Variants in TMEM117 observed in about 807,000 individuals in gnomAD.
TMEM117 encodes the protein transmembrane protein 117.
Under a neutral mutation model 52.4 loss-of-function variants are expected in TMEM117, and 27 were observed. That is an observed-to-expected ratio of 0.51 (90% CI 0.38 to 0.71). TMEM117 has a LOEUF of 0.71. Ranked by LOEUF, TMEM117 falls within the 30% of genes least tolerant of loss-of-function variation. TMEM117 has a pLI of 0.00. For synonymous variants in TMEM117, 215 were observed against 206.3 expected (o/e 1.04, Z -0.36); for missense variants, 556 against 630.5 (o/e 0.88, Z 1.26).
At chr12:44,233,533 A>C (rs1949958051) in intron 5 of TMEM117, among the ~76,000 whole-genome samples, 1 of 151,338 alleles carries the variant, frequency 6.6e-6, no homozygotes, top group Non-Finnish European at 1.5e-5. Flanking sequence ...ATTTCCAATA[A>C]TATGTTAAAT....
At chr12:44,247,703 A>T (rs939171834) in intron 5 of TMEM117, among the ~76,000 whole-genome samples, 1 of 152,226 alleles carries the variant, frequency 6.6e-6, no homozygotes, top group African/African-American at 2.4e-5. Flanking sequence ...TGACCTCTTA[A>T]TCGGCCCTTT....
At chr12:44,202,044 GATAA>G (rs1390642748) in intron 4 of TMEM117, among the ~76,000 whole-genome samples, 10 of 151,508 alleles carry the variant, frequency 6.6e-5, no homozygotes, top group Admixed American at 1.3e-4. Context: ...TATCAAAGAT[GATAA>G]ATAAAATAGG....
At chr12:43,857,968 C>G (rs1303525928) in intron 2 of TMEM117, among the ~76,000 whole-genome samples, 1 of 152,062 alleles carries the variant, frequency 6.6e-6, no homozygotes, top group Non-Finnish European at 1.5e-5. Context: ...TGGATAGAAG[C>G]ACGGGTCAAA....
intron 2 of TMEM117, among the ~76,000 whole-genome samples, chr12:43,887,618 G>A (rs1048798719): frequency 1.3e-5 from 2 of 152,168 alleles, no homozygotes; most frequent in African/African-American, 4.8e-5. Context: ...GCAGAAGACC[G>A]CCAGCACCCT....
At chr12:44,199,233 TTC>T (rs1160391285) in intron 4 of TMEM117, among the ~76,000 whole-genome samples, 13 of 152,234 alleles carry the variant, frequency 8.5e-5, no homozygotes, top group African/African-American at 3.1e-4. Context: ...CTGAACCATA[TTC>T]CATGGGCGGT....
intron 5 of TMEM117, among the ~76,000 whole-genome samples, chr12:44,225,531 T>C (rs2138436918): frequency 6.6e-6 from 1 of 152,330 alleles, no homozygotes; most frequent in East Asian, 1.9e-4. Flanking sequence ...TGATTACATA[T>C]AGAATCATAT....
intron 4 of TMEM117, among the ~76,000 whole-genome samples, chr12:44,158,764 TAA>T (rs200884697): frequency 2.0e-5 from 3 of 151,300 alleles, no homozygotes; most frequent in Non-Finnish European, 4.4e-5. Flanking sequence ...TTGGGAACTT[TAA>T]AAAAAAATAG....
intron 5 of TMEM117, among the ~76,000 whole-genome samples, chr12:44,274,116 G>C (rs1252033266): frequency 6.6e-6 from 1 of 152,122 alleles, no homozygotes; most frequent in African/African-American, 2.4e-5. Context: ...TAAAGTTGCA[G>C]GATATGAAAT....
intron 2 of TMEM117, among the ~76,000 whole-genome samples, chr12:43,930,895 G>A (rs1944861023): frequency 6.6e-6 from 1 of 152,156 alleles, no homozygotes; most frequent in Admixed American, 6.5e-5. Flanking sequence ...CAGAGGCCAG[G>A]GTCTTCCTGA....
intron 4 of TMEM117, among the ~76,000 whole-genome samples, chr12:44,188,830 T>C (rs1174982811): frequency 6.6e-6 from 1 of 152,184 alleles, no homozygotes; most frequent in Non-Finnish European, 1.5e-5. Flanking sequence ...ACTGTTTAAG[T>C]ATTTTCTTCC....
chr12:43,833,920 C>T (rs151141726), upstream of TMEM117, among the ~76,000 whole-genome samples: 580 of 152,180 alleles, frequency 3.8e-3, 6 homozygotes, highest in African/African-American at 0.013. Context: ...TGGCAAAACC[C>T]TGTCTCTACA....
chr12:44,204,876 C>T (rs571249047), intron 4 of TMEM117, among the ~76,000 whole-genome samples: 1 of 152,098 alleles, frequency 6.6e-6, no homozygotes, highest in Admixed American at 6.6e-5. Flanking sequence ...CCGGCCCCTT[C>T]CTTTCACCAT....
intron 4 of TMEM117, among the ~76,000 whole-genome samples, chr12:44,144,291 G>A (rs1400667798): frequency 1.3e-5 from 2 of 152,160 alleles, no homozygotes; most frequent in East Asian, 1.9e-4. Context: ...AAGATAGCAT[G>A]TTGCTAGAAG....
intron 2 of TMEM117, among the ~76,000 whole-genome samples, chr12:43,883,580 A>T (rs1943934514): frequency 6.6e-6 from 1 of 152,214 alleles, no homozygotes; most frequent in Non-Finnish European, 1.5e-5. Context: ...AAGAATAGTT[A>T]TGAGTGGTTA....
At chr12:44,359,222 A>G (rs779083860) in intron 6 of TMEM117, among the ~76,000 whole-genome samples, 12 of 152,022 alleles carry the variant, frequency 7.9e-5, no homozygotes, top group Non-Finnish European at 1.5e-4. Context: ...AAAAAAAAGT[A>G]AAAGAATTGC....
In TMEM117 at chr12:44,310,898, G is replaced by A. The variant is rs115779100; in HGVS notation, c.768+11159G>A. Reference sequence around the variant, plus strand: ...ACTAGGGGATTCTGCCTGGAAATACGAGTTTAAAATTAGACTATGATTTCT... The same window carrying A: ...ACTAGGGGATTCTGCCTGGAAATACAAGTTTAAAATTAGACTATGATTTCT... On this transcript the variant is annotated intron_variant, in intron 6 of 7. Coordinates refer to ENST00000266534, the MANE Select transcript of TMEM117 (RefSeq NM_032256.3). Among the ~76,000 whole-genome samples the A allele has an allele frequency of 2.7e-3, 410 of 152,200 alleles. 3 individuals are homozygous for A. The highest frequency in any genetic ancestry group is 9.2e-3 in the African/African-American group (383 of 41,532).
At chr12:44,312,296 G>C (rs1565702534) in intron 6 of TMEM117, among the ~76,000 whole-genome samples, 2 of 151,904 alleles carry the variant, frequency 1.3e-5, no homozygotes, top group Non-Finnish European at 2.9e-5. Flanking sequence ...AGTATCTCTT[G>C]TTGCCATCTT....
intron 6 of TMEM117, among the ~76,000 whole-genome samples, chr12:44,331,842 C>G (rs938882590): frequency 6.6e-6 from 1 of 152,022 alleles, no homozygotes; most frequent in African/African-American, 2.4e-5. Flanking sequence ...CCCAAGCACC[C>G]AATTTCACAG....
the TMEM117 span, among the ~76,000 whole-genome samples, chr12:43,825,071 G>A: frequency 6.6e-6 from 1 of 152,256 alleles, no homozygotes; most frequent in East Asian, 1.9e-4. Context: ...TGCCATTCAA[G>A]AATGTAGACC....
Sources: allele counts gnomAD v4.1 joint callset (sites outside exome capture counted in the v4.1 genomes callset), GRCh38; gene constraint gnomAD v4.1.1; transcripts MANE v1.5; gene names NCBI Gene and HGNC (gene_info 2026-07-23, HGNC 2026-07-21).